Variants in KCNMA1 observed in about 807,000 individuals in gnomAD.
The protein encoded by KCNMA1 is Calcium-activated potassium channel subunit alpha-1.
Under a neutral mutation model 140.0 loss-of-function variants are expected in KCNMA1, and 29 were observed. That is an observed-to-expected ratio of 0.21 (90% CI 0.15 to 0.28). KCNMA1 has a LOEUF of 0.28. Among genes scored for constraint, KCNMA1 ranks in the 10% least tolerant of loss-of-function variants. The pLI is 1.00. For missense variants in KCNMA1, 880 were observed against 1,602.2 expected (o/e 0.55, Z 7.70); for synonymous variants, 612 against 611.9 (o/e 1.00, Z 0.00).
chr10:76,949,498 T>C (rs2065428100), intron 21 of KCNMA1, 132 bp from the exon 22 acceptor site: 1 of 768,282 alleles, frequency 1.3e-6, no homozygotes, highest in Non-Finnish European at 2.3e-6. Flanking sequence ...ATTATTTTTA[T>C]TTCATCAATG....
chr10:76,926,735 G>A (rs2152585967), intron 23 of KCNMA1, among the ~76,000 whole-genome samples: 1 of 152,264 alleles, frequency 6.6e-6, no homozygotes, highest in South Asian at 2.1e-4. Flanking sequence ...CATTCATGGG[G>A]TTGTTCTTTT....
intron 5 of KCNMA1, among the ~76,000 whole-genome samples, chr10:77,178,084 A>G (rs1198421264): frequency 6.6e-6 from 1 of 152,042 alleles, no homozygotes; most frequent in Non-Finnish European, 1.5e-5. Context: ...TCATTTTTCT[A>G]TTTTCTAGCA....
chr10:77,408,649 A>C (rs1305388574), intron 1 of KCNMA1, among the ~76,000 whole-genome samples: 3 of 152,204 alleles, frequency 2.0e-5, no homozygotes, highest in African/African-American at 7.2e-5. Flanking sequence ...TCTGAAATGC[A>C]AGAAAAGATG....
intron 1 of KCNMA1, among the ~76,000 whole-genome samples, chr10:77,468,275 G>A (rs530336329): frequency 1.2e-4 from 19 of 152,286 alleles, no homozygotes; most frequent in African/African-American, 4.1e-4. Flanking sequence ...GGGGATTCTG[G>A]AGTCAGAATG....
At chr10:77,291,814 C>A (rs1448685075) in intron 2 of KCNMA1, among the ~76,000 whole-genome samples, 1 of 152,092 alleles carries the variant, frequency 6.6e-6, no homozygotes, top group East Asian at 1.9e-4. Context: ...TTTTCATGTT[C>A]TTTCAAGGTG....
chr10:77,052,005 T>C (rs2095385755), intron 14 of KCNMA1, among the ~76,000 whole-genome samples: 1 of 152,196 alleles, frequency 6.6e-6, no homozygotes, highest in East Asian at 1.9e-4. Flanking sequence ...GCTGTCATTA[T>C]AAGTAATGAG....
At chr10:77,239,816 G>A (rs1401005489) in intron 3 of KCNMA1, among the ~76,000 whole-genome samples, 2 of 152,168 alleles carry the variant, frequency 1.3e-5, no homozygotes, top group Non-Finnish European at 2.9e-5. Context: ...TGGAAGGGAC[G>A]ACACCGTAAG....
rs141475501 is a variant in KCNMA1 at position 77,090,986 on chromosome 10, C to T, written c.1224-476G>A. On this transcript the variant is annotated intron_variant, in intron 9 of 27. Transcript: ENST00000286628. ...AACGATGATTTTGTGTGTAAGAAAG[C>T]AGACTTTTATCAGGGTGGCTAATGT... 6 of 187,556 alleles carry T rather than the reference C, an allele frequency of 3.2e-5. No homozygotes were observed. The East Asian group carries it at 7.4e-4, about 23-fold the overall frequency. The allele number at this position is 187,556 out of a possible 1,614,324, so 11.6% of individuals were successfully genotyped here.
chr10:77,100,074 C>T (rs56393731), intron 9 of KCNMA1, among the ~76,000 whole-genome samples: 1,641 of 152,226 alleles, frequency 0.011, 18 homozygotes, highest in African/African-American at 0.037. Context: ...ACTGGGAAGA[C>T]GCTCCTGCAT....
chr10:77,548,367 C>T (rs1257192984), intron 1 of KCNMA1, among the ~76,000 whole-genome samples: 3 of 152,346 alleles, frequency 2.0e-5, no homozygotes, highest in African/African-American at 7.2e-5. Flanking sequence ...TGCAAGAGGG[C>T]ATGTGGTCAG....
chr10:76,872,530 T>A (rs1006051984), downstream of KCNMA1: 3 of 152,226 alleles, frequency 2.0e-5, no homozygotes, highest in African/African-American at 7.2e-5. Context: ...CTTTAGACTG[T>A]ACTTTGTAGC....
chr10:77,154,592 C>T (rs910068256), intron 5 of KCNMA1, among the ~76,000 whole-genome samples: 2 of 152,136 alleles, frequency 1.3e-5, no homozygotes, highest in African/African-American at 4.8e-5. Context: ...TGTGTAGCTA[C>T]CTCTCTACAG....
chr10:77,376,984 C>CATACATACATACATAA (rs1209614188), intron 2 of KCNMA1, among the ~76,000 whole-genome samples: 10 of 151,974 alleles, frequency 6.6e-5, no homozygotes, highest in African/African-American at 2.2e-4. Flanking sequence ...TACATACATA[C>CATACATACATACATAA]ATAAAAATGA....
intron 25 of KCNMA1, chr10:76,904,192 T>A (rs2046812557): frequency 6.6e-6 from 1 of 152,238 alleles, no homozygotes; most frequent in Non-Finnish European, 1.5e-5. Flanking sequence ...AGAAAAAATG[T>A]GCAAGGGCTG....
At chr10:77,438,563 CAAA>C (rs1181096294) in intron 1 of KCNMA1, among the ~76,000 whole-genome samples, 1 of 103,694 alleles carries the variant, frequency 9.6e-6, no homozygotes, top group Non-Finnish European at 2.0e-5. Flanking sequence ...AACTCTGTCT[CAAA>C]AAAAAAAAAA....
At chr10:77,432,404 T>C (rs180690685) in intron 1 of KCNMA1, among the ~76,000 whole-genome samples, 16 of 152,310 alleles carry the variant, frequency 1.1e-4, no homozygotes, top group Admixed American at 8.5e-4. Context: ...TATTTCCCCA[T>C]TTCACAACTG....
At chr10:77,533,672 C>T (rs1206475631) in intron 1 of KCNMA1, among the ~76,000 whole-genome samples, 1 of 152,154 alleles carries the variant, frequency 6.6e-6, no homozygotes, top group African/African-American at 2.4e-5. Context: ...CTTCCAGCCA[C>T]TGACCTCCAA....
At chr10:77,134,997 C>CAAAAAAAAAA (rs71028253) in intron 5 of KCNMA1, among the ~76,000 whole-genome samples, 402 of 11,774 alleles carry the variant, frequency 0.034, 126 homozygotes, top group Non-Finnish European at 0.051. Context: ...GACTCTGTCT[C>CAAAAAAAAAA]AAAAAAAAAA....
intron 1 of KCNMA1, among the ~76,000 whole-genome samples, chr10:77,627,292 C>T (rs1293570451): frequency 6.6e-6 from 1 of 152,122 alleles, no homozygotes; most frequent in African/African-American, 2.4e-5. Flanking sequence ...CTTGGCAGGG[C>T]CCCCAAATTA....
Sources: gnomAD v4.1 joint callset for allele counts (sites outside exome capture counted in the v4.1 genomes callset) on GRCh38, gnomAD v4.1.1 for gene constraint, MANE v1.5 for transcripts, NCBI Gene and HGNC (gene_info 2026-07-23, HGNC 2026-07-21) for gene names.